The following SH3GL3 variants were observed in gnomAD, a reference collection of about 807,000 sequenced individuals.
SH3GL3 encodes the protein SH3 domain containing GRB2 like 3, endophilin A3.
In SH3GL3, 33 loss-of-function variants were observed where a neutral mutation model predicts 47.7. The ratio of observed to expected loss-of-function variants is 0.69; its 90% CI spans 0.52 to 0.92. SH3GL3 has a LOEUF of 0.92. SH3GL3 is among the 40% of genes least tolerant of loss of function. The pLI is 0.00. For synonymous variants in SH3GL3, 155 were observed against 148.8 expected (o/e 1.04, Z -0.30); for missense variants, 363 against 417.8 (o/e 0.87, Z 1.14).
chr15:83,546,769 G>A (rs1279430916), intron 1 of SH3GL3, among the ~76,000 whole-genome samples: 1 of 152,180 alleles, frequency 6.6e-6, no homozygotes, highest in East Asian at 1.9e-4. Context: ...AGCAGGTAGT[G>A]AATTCTGTGA....
intron 1 of SH3GL3, among the ~76,000 whole-genome samples, chr15:83,484,740 A>G (rs2041517258): frequency 6.6e-6 from 1 of 152,134 alleles, no homozygotes; most frequent in Admixed American, 6.5e-5. Context: ...CATTTATATT[A>G]AACTTAGTTG....
intron 8 of SH3GL3, among the ~76,000 whole-genome samples, chr15:83,615,107 G>GA (rs11340559): frequency 5.1e-4 from 70 of 138,184 alleles, no homozygotes; most frequent in Middle Eastern, 3.8e-3. Context: ...CACTTATTAA[G>GA]AAAAAAAAAA....
the SH3GL3 span, among the ~76,000 whole-genome samples, chr15:83,627,435 C>T: frequency 6.6e-6 from 1 of 151,210 alleles, no homozygotes; most frequent in East Asian, 1.9e-4. Context: ...GGATGTTCTA[C>T]TTAACTAGTA....
At chr15:83,513,851 C>T (rs2042874131) in intron 1 of SH3GL3, among the ~76,000 whole-genome samples, 1 of 152,186 alleles carries the variant, frequency 6.6e-6, no homozygotes, top group South Asian at 2.1e-4. Flanking sequence ...GACTAATCAT[C>T]ATAAATGAAT....
intron 2 of SH3GL3, among the ~76,000 whole-genome samples, chr15:83,560,501 G>T (rs543144018): frequency 6.6e-6 from 1 of 152,306 alleles, no homozygotes; most frequent in African/African-American, 2.4e-5. Context: ...AATAGGTGAT[G>T]TATAGCTTTG....
At chr15:83,596,896 C>A (rs1192795158) in intron 8 of SH3GL3, among the ~76,000 whole-genome samples, 2 of 152,120 alleles carry the variant, frequency 1.3e-5, no homozygotes, top group East Asian at 3.9e-4. Context: ...GTCTTTTCCT[C>A]CTTGCTCTCT....
chr15:83,596,969 C>G (rs1428498778), intron 8 of SH3GL3, among the ~76,000 whole-genome samples: 3 of 152,062 alleles, frequency 2.0e-5, no homozygotes, highest in Non-Finnish European at 4.4e-5. Flanking sequence ...ATTCTTTGAT[C>G]CAGTTATTTA....
intron 6 of SH3GL3, among the ~76,000 whole-genome samples, chr15:83,580,496 G>C (rs1016355747): frequency 1.3e-5 from 2 of 152,240 alleles, no homozygotes; most frequent in African/African-American, 4.8e-5. Flanking sequence ...TGTTACTGTG[G>C]TGGGAAGTTT....
intron 1 of SH3GL3, among the ~76,000 whole-genome samples, chr15:83,541,310 C>CAATTTTTTTTTTTTTTTT (rs1567318555): frequency 6.3e-5 from 3 of 47,750 alleles, no homozygotes; most frequent in African/African-American, 2.0e-4. Flanking sequence ...TATGGTAATT[C>CAATTTTTTTTTTTTTTTT]TATTTTTTTT....
At chr15:83,538,622 A>G (rs2044023626) in intron 1 of SH3GL3, among the ~76,000 whole-genome samples, 1 of 152,184 alleles carries the variant, frequency 6.6e-6, no homozygotes. Context: ...ACTTTATGTA[A>G]TTAGACATAA....
At chr15:83,617,438 A>G (rs560838259) in intron 8 of SH3GL3, among the ~76,000 whole-genome samples, 1 of 152,270 alleles carries the variant, frequency 6.6e-6, no homozygotes, top group African/African-American at 2.4e-5. Flanking sequence ...ACACTTTGGG[A>G]GGTTGAGGTG....
chr15:83,516,709 C>G (rs2042992830), intron 1 of SH3GL3, among the ~76,000 whole-genome samples: 1 of 152,034 alleles, frequency 6.6e-6, no homozygotes, highest in South Asian at 2.1e-4. Context: ...AGGGGTGTGC[C>G]TCATGATCAA....
At chr15:83,547,779 T>G (rs2044477413) in intron 1 of SH3GL3, among the ~76,000 whole-genome samples, 1 of 151,838 alleles carries the variant, frequency 6.6e-6, no homozygotes, top group Non-Finnish European at 1.5e-5. Flanking sequence ...TGTAGCTTTT[T>G]TTTTTTTTTT....
chr15:83,598,717 A>G (rs567188419), intron 8 of SH3GL3, among the ~76,000 whole-genome samples: 4 of 152,316 alleles, frequency 2.6e-5, no homozygotes, highest in East Asian at 3.9e-4. Context: ...ATTCATTCCA[A>G]TTTCAAGGAG....
intron 1 of SH3GL3, among the ~76,000 whole-genome samples, chr15:83,470,633 T>C (rs1303092086): frequency 2.6e-5 from 4 of 152,252 alleles, no homozygotes; most frequent in African/African-American, 9.6e-5. Flanking sequence ...TTTAATGTAA[T>C]TACTTATATG....
intron 2 of SH3GL3, among the ~76,000 whole-genome samples, chr15:83,561,867 C>CCAG (rs959988830): frequency 6.6e-6 from 1 of 152,100 alleles, no homozygotes; most frequent in Non-Finnish European, 1.5e-5. Flanking sequence ...GGGCAGGGTG[C>CCAG]CAGCATTAAA....
the SH3GL3 span, among the ~76,000 whole-genome samples, chr15:83,632,863 T>A: frequency 6.6e-6 from 1 of 152,154 alleles, no homozygotes; most frequent in Admixed American, 6.5e-5. Flanking sequence ...AGAATTCTCA[T>A]AATAAGCAAT....
At chr15:83,497,882 G>A (rs1397187392) in intron 1 of SH3GL3, among the ~76,000 whole-genome samples, 1 of 152,116 alleles carries the variant, frequency 6.6e-6, no homozygotes, top group Non-Finnish European at 1.5e-5. Flanking sequence ...TGGAAACATC[G>A]TCTACTATGA....
chr15:83,528,077 GC>G (rs2043504687), intron 1 of SH3GL3, among the ~76,000 whole-genome samples: 1 of 152,010 alleles, frequency 6.6e-6, no homozygotes, highest in South Asian at 2.1e-4. Context: ...AGTATTTTTG[GC>G]TGTCAGCTTT....
Sources: allele counts gnomAD v4.1 joint callset (sites outside exome capture counted in the v4.1 genomes callset), GRCh38; gene constraint gnomAD v4.1.1; transcripts MANE v1.5; gene names NCBI Gene and HGNC (gene_info 2026-07-23, HGNC 2026-07-21).